The following PNLDC1 variants were observed in gnomAD, a reference collection of about 807,000 sequenced individuals.
The protein encoded by PNLDC1 is poly(A)-specific ribonuclease PNLDC1.
In PNLDC1, 70 loss-of-function variants were observed where a neutral mutation model predicts 82.0. The observed-to-expected ratio is 0.85, with a 90% CI of 0.70 to 1.04. PNLDC1 has a LOEUF of 1.04. Among genes scored for constraint, PNLDC1 ranks in the 50% least tolerant of loss-of-function variants. The pLI, the probability that PNLDC1 is intolerant of heterozygous loss-of-function variation, is 0.00. For synonymous variants in PNLDC1, 280 were observed against 249.3 expected (o/e 1.12, Z -1.16); for missense variants, 631 against 661.1 (o/e 0.95, Z 0.50).
In PNLDC1 at chr6:159,819,270, A is replaced by T. The variant is rs557694125; in HGVS notation, c.1450A>T (p.Lys484Ter). Residue 484 changes from lysine (K) to a stop codon, truncating the protein, a stop_gained, in exon 18 of 19, where the codon AAG becomes TAG. Coordinates refer to ENST00000392167, the MANE Select transcript of PNLDC1 (RefSeq NM_001271862.2). LOFTEE classifies it high-confidence loss of function. This position sits in a 1 kb window ranked among gnomAD's most constrained non-coding sequence, Gnocchi z 4.6. ...NKFKDARNIL[K>*]EYRDHPTLCI... ...TTTTGGCAGTGCGCGGAACATCCTG[A>T]AGGAGTACCGGGACCACCCGACCCT... The T allele has an allele frequency of 6.2e-7, 1 of 1,613,804 alleles. No individual in the cohort carries two copies. Among genetic ancestry groups the T allele is most frequent in the African/African-American group, 1.3e-5 (1 of 74,994 alleles).
intron 15 of PNLDC1, among the ~76,000 whole-genome samples, chr6:159,818,080 C>T (rs1202938830): frequency 6.6e-6 from 1 of 152,206 alleles, no homozygotes; most frequent in Non-Finnish European, 1.5e-5. Context: ...CCTAAAAGCC[C>T]TCCCTGCCTG....
Position 159,811,884 on chromosome 6 carries a change from T to TTTTTG in PNLDC1, c.939+127_939+131dup, listed in dbSNP as rs71758879. ...GTTTTTTTCTTGTGTTTTTTTGTTT[T>TTTTTG]TTTTGTTTTGTTTTGTTTTGTTTTG... is the stretch of plus-strand genomic sequence containing the variant. On this transcript the variant is annotated intron_variant, in intron 11 of 18. Transcript: ENST00000392167. 3.8e-3 allele frequency: 3,395 copies of TTTTTG among 885,626 alleles called. 77 individuals carry two copies. The African/African-American group carries it at 0.053, about 14-fold the overall frequency. 54.9% of individuals were successfully genotyped at this position (885,626 alleles called of 1,614,324 possible). A position where few individuals can be genotyped will look rare whatever the true frequency, so the allele number is the denominator to read the frequency against.
intron 6 of PNLDC1, 135 bp from the exon 7 acceptor site, chr6:159,805,848 C>G (rs561017075): frequency 1.5e-6 from 1 of 671,308 alleles, no homozygotes; most frequent in African/African-American, 1.8e-5. Flanking sequence ...AAGAAATCGT[C>G]TTCTTTTGGT....
At chr6:159,808,904 T>G in intron 8 of PNLDC1, 88 bp downstream of exon 8, 1 of 1,588,386 alleles carries the variant, frequency 6.3e-7, no homozygotes, top group Non-Finnish European at 8.6e-7. Flanking sequence ...AGCTTTTATC[T>G]TGCACGCTGC....
chr6:159,810,518 A>G (rs945741013), intron 10 of PNLDC1, among the ~76,000 whole-genome samples: 1 of 152,194 alleles, frequency 6.6e-6, no homozygotes, highest in African/African-American at 2.4e-5. Context: ...TAAAAACCTA[A>G]TAAATGCTGC....
At chr6:159,815,473 T>C (rs1186849927) in intron 12 of PNLDC1, among the ~76,000 whole-genome samples, 1 of 152,180 alleles carries the variant, frequency 6.6e-6, no homozygotes, top group Non-Finnish European at 1.5e-5. Context: ...TCAGACCTCC[T>C]CCTTTTCCTC....
chr6:159,813,917 T>C (rs955569778), intron 12 of PNLDC1, among the ~76,000 whole-genome samples: 1 of 152,168 alleles, frequency 6.6e-6, no homozygotes, highest in Non-Finnish European at 1.5e-5. Context: ...GTCCCCTTTT[T>C]CATTGTCTCG....
chr6:159,809,218 A>G, intron 9 of PNLDC1, 60 bp downstream of exon 9: 1 of 1,568,520 alleles, frequency 6.4e-7, no homozygotes, highest in Non-Finnish European at 8.6e-7. Flanking sequence ...CTGGTCATAG[A>G]TACTAAAGGC....
intron 12 of PNLDC1, among the ~76,000 whole-genome samples, chr6:159,814,956 C>T (rs938300036): frequency 2.0e-5 from 3 of 152,172 alleles, no homozygotes; most frequent in Admixed American, 6.5e-5. Flanking sequence ...ACACCCACGA[C>T]GACGACGCCT....
At chr6:159,804,205 A>G (rs1781365026) in intron 5 of PNLDC1, 117 bp downstream of exon 5, 1 of 1,234,070 alleles carries the variant, frequency 8.1e-7, no homozygotes, top group Non-Finnish European at 1.1e-6. Context: ...GGTTCAAGTG[A>G]TTTTCCTGCT....
At chr6:159,806,952 G>A (rs2115035078) in intron 7 of PNLDC1, among the ~76,000 whole-genome samples, 1 of 148,298 alleles carries the variant, frequency 6.7e-6, no homozygotes, top group African/African-American at 2.5e-5. Flanking sequence ...GAGTGCAATG[G>A]CACGATTTCA....
At chr6:159,801,485 C>T (rs776950831) in intron 3 of PNLDC1, among the ~76,000 whole-genome samples, 5 of 152,148 alleles carry the variant, frequency 3.3e-5, no homozygotes, top group Admixed American at 6.6e-5. Flanking sequence ...CTTGCTCTGT[C>T]ACCAAGACTG....
intron 7 of PNLDC1, among the ~76,000 whole-genome samples, chr6:159,808,339 G>A (rs993472672): frequency 6.6e-6 from 1 of 152,092 alleles, no homozygotes; most frequent in African/African-American, 2.4e-5. Context: ...CACTCTTCTC[G>A]CTAAGTTTTT....
rs1442199832 is a variant in PNLDC1, at chr6:159,819,934, C to T, written c.1533-520C>T. Reference sequence around the variant, plus strand: ...GCTTCTCTCAGGAGAGAGGGAATCGCGGAAGTTACAGCAAGAAGGTCTATA... The same window carrying T: ...GCTTCTCTCAGGAGAGAGGGAATCGTGGAAGTTACAGCAAGAAGGTCTATA... On this transcript the variant is annotated intron_variant, in intron 18 of 18. Coordinates refer to ENST00000392167, the MANE Select transcript of PNLDC1 (RefSeq NM_001271862.2). The surrounding 1 kb of genome is among the most constrained non-coding windows in gnomAD (Gnocchi z 4.6). Among the ~76,000 whole-genome samples the T allele has an allele frequency of 2.6e-5, 4 of 152,054 alleles. No homozygotes were observed. Among genetic ancestry groups the T allele is most frequent in the African/African-American group, 4.8e-5 (2 of 41,418 alleles).
intron 10 of PNLDC1, 100 bp downstream of exon 10, chr6:159,810,195 C>T: frequency 1.9e-6 from 2 of 1,043,432 alleles, no homozygotes; most frequent in Admixed American, 3.8e-5. Flanking sequence ...CTAAAATGCC[C>T]ATTCCTCCCC....
intron 14 of PNLDC1, 29 bp from the exon 15 acceptor site, chr6:159,817,080 A>C (rs368673000): frequency 5.6e-6 from 9 of 1,597,612 alleles, no homozygotes; most frequent in Non-Finnish European, 7.7e-6. Flanking sequence ...GATAAGCTCT[A>C]TTGCATTTCT....
Position 159,801,133 on chromosome 6 carries a change from A to T in PNLDC1, c.155A>T (p.Glu52Val). 2 of 1,614,158 alleles carry T rather than the reference A, an allele frequency of 1.2e-6. No homozygotes were observed. The highest frequency in any genetic ancestry group is 1.7e-6 in the Non-Finnish European group (2 of 1,180,018). ...CACAGTCTTTTTGATTTGCCATCGG[A>T]GTGGTATCTAAAGACCCGTCAGAGT... ...QQISLFDLPS[E>V]WYLKTRQSVQ... is the part of the protein sequence containing the mutation. Residue 52 changes from glutamate (E) to valine (V), a missense_variant, in exon 3 of 19, where the codon GAG becomes GTG. Transcript: ENST00000392167.
chr6:159,804,152 T>G, intron 5 of PNLDC1, 64 bp downstream of exon 5: 2 of 1,575,878 alleles, frequency 1.3e-6, no homozygotes, highest in Admixed American at 3.5e-5. Flanking sequence ...AGTCTCGCTC[T>G]GTTGCCCAGG....
chr6:159,813,591 A>G lies in PNLDC1; in HGVS notation c.940-10A>G, dbSNP rs550472846. ...AATGTTTTCCTCTGGTTTGTTTTCC[A>G]TGATTGTAGGAGATGAATTTCCCGA... On this transcript the variant is annotated splice_polypyrimidine_tract_variant and intron_variant, in intron 11 of 18. Coordinates refer to ENST00000392167, the MANE Select transcript of PNLDC1 (RefSeq NM_001271862.2). 10 of 1,609,218 alleles carry G rather than the reference A, an allele frequency of 6.2e-6. No homozygotes were observed. In the East Asian group the frequency reaches 8.9e-5, roughly 14 times the overall value.
Sources: gnomAD v4.1 joint callset for allele counts (sites outside exome capture counted in the v4.1 genomes callset) on GRCh38, gnomAD v4.1.1 for gene constraint, Gnocchi (gnomAD v3.1) non-coding constraint, MANE v1.5 for transcripts, NCBI Gene and HGNC (gene_info 2026-07-23, HGNC 2026-07-21) for gene names.